Variants in HOMER1 observed in about 807,000 individuals in gnomAD.
HOMER1 encodes the protein homer protein homolog 1.
HOMER1 carries 3 observed loss-of-function variants against 48.9 expected under a neutral mutation model. That is an observed-to-expected ratio of 0.06 (90% CI 0.03 to 0.16). The LOEUF (loss-of-function observed/expected upper bound fraction) is 0.16. HOMER1 is among the 10% of genes least tolerant of loss of function. The probability of loss-of-function intolerance (pLI) is 1.00; values close to 1 mark genes in which losing one functional copy is unlikely to be tolerated. For synonymous variants in HOMER1, 134 were observed against 146.4 expected, an observed-to-expected ratio of 0.92 and a Z score of 0.61; for missense variants, 247 against 411.4, an observed-to-expected ratio of 0.60 and a Z score of 3.46.
chr5:79,455,267 G>C (rs1057326432), intron 2 of HOMER1, among the ~76,000 whole-genome samples: 2 of 152,152 alleles, frequency 1.3e-5, no homozygotes, highest in Non-Finnish European at 2.9e-5. Flanking sequence ...CTTTGCTCAA[G>C]ATCAGATGGT....
At chr5:79,426,193 C>A (rs1028393488) in intron 5 of HOMER1, among the ~76,000 whole-genome samples, 24 of 151,982 alleles carry the variant, frequency 1.6e-4, no homozygotes, top group African/African-American at 4.8e-4. Flanking sequence ...ATTAGTACAG[C>A]CACTATGAAG....
intron 1 of HOMER1, among the ~76,000 whole-genome samples, chr5:79,463,944 C>G (rs866507375): frequency 5.9e-5 from 9 of 152,112 alleles, no homozygotes; most frequent in African/African-American, 1.9e-4. Context: ...CTTATTAGAG[C>G]TATGGAGGCA....
At chr5:79,500,362 A>G (rs1038079057) in intron 1 of HOMER1, among the ~76,000 whole-genome samples, 2 of 152,214 alleles carry the variant, frequency 1.3e-5, no homozygotes, top group Non-Finnish European at 2.9e-5. Flanking sequence ...GTTTGATAAT[A>G]TTAGAAGAGC....
intron 3 of HOMER1, among the ~76,000 whole-genome samples, chr5:79,450,399 T>C (rs1260887765): frequency 6.6e-6 from 1 of 152,244 alleles, no homozygotes; most frequent in Non-Finnish European, 1.5e-5. Context: ...AGGAGAACTG[T>C]CTTATTTCCA....
At chr5:79,433,651 T>A (rs1750485726) in intron 5 of HOMER1, among the ~76,000 whole-genome samples, 1 of 152,244 alleles carries the variant, frequency 6.6e-6, no homozygotes, top group Non-Finnish European at 1.5e-5. Context: ...AAAAATTTTG[T>A]ATTTATTTTG....
chr5:79,428,634 T>C lies in HOMER1; in HGVS notation c.527+10376A>G, dbSNP rs1313251048. 2.6e-5 allele frequency among the ~76,000 whole-genome samples: 4 copies of C among 152,150 alleles called. 1 individual carries two copies. Among genetic ancestry groups the C allele is most frequent in the Non-Finnish European group, 5.9e-5 (4 of 68,024 alleles). On this transcript the variant is annotated intron_variant, in intron 5 of 8. Coordinates refer to ENST00000334082, the MANE Select transcript of HOMER1 (RefSeq NM_004272.5). Reference sequence around the variant, plus strand: ...ACTACACAACAATCATCCTTCCATATACTAACAATGAACAATTCAAAAGTG... The same window carrying C: ...ACTACACAACAATCATCCTTCCATACACTAACAATGAACAATTCAAAAGTG...
intron 8 of HOMER1, among the ~76,000 whole-genome samples, chr5:79,385,897 A>G (rs1156842779): frequency 6.8e-6 from 1 of 147,802 alleles, no homozygotes; most frequent in Non-Finnish European, 1.5e-5. Context: ...TACAATGGCT[A>G]TTATCATTAC....
At chr5:79,403,075 A>G (rs1749574075) in intron 5 of HOMER1, among the ~76,000 whole-genome samples, 4 of 152,316 alleles carry the variant, frequency 2.6e-5, no homozygotes, top group Admixed American at 2.0e-4. Flanking sequence ...ATTTTCTACT[A>G]CAAGACAATT....
intron 1 of HOMER1, among the ~76,000 whole-genome samples, chr5:79,502,942 C>A (rs984191328): frequency 6.6e-6 from 1 of 151,920 alleles, no homozygotes; most frequent in African/African-American, 2.4e-5. Flanking sequence ...AGGCGCCCGC[C>A]ACCACGCCCG....
chr5:79,452,194 T>C (rs906660431), intron 2 of HOMER1, among the ~76,000 whole-genome samples: 3 of 152,206 alleles, frequency 2.0e-5, no homozygotes, highest in African/African-American at 7.2e-5. Context: ...TTCAAACCAG[T>C]GTCATGAGTC....
intron 1 of HOMER1, among the ~76,000 whole-genome samples, chr5:79,489,431 C>G (rs1444368428): frequency 6.6e-6 from 1 of 152,132 alleles, no homozygotes; most frequent in Non-Finnish European, 1.5e-5. Context: ...AGGCATCACA[C>G]CTGTAATCTC....
intron 5 of HOMER1, among the ~76,000 whole-genome samples, chr5:79,407,547 G>A (rs907969815): frequency 6.6e-6 from 1 of 152,234 alleles, no homozygotes; most frequent in Non-Finnish European, 1.5e-5. Context: ...CATAACAACA[G>A]AGGTGAAGAA....
chr5:79,390,229 G>C (rs1412672795), intron 8 of HOMER1, among the ~76,000 whole-genome samples: 5 of 152,080 alleles, frequency 3.3e-5, no homozygotes, highest in African/African-American at 4.8e-5. Context: ...GAGACTGTAG[G>C]AATCTGTGAT....
At chr5:79,449,512 A>G (rs563376553) in intron 3 of HOMER1, among the ~76,000 whole-genome samples, 7 of 152,280 alleles carry the variant, frequency 4.6e-5, no homozygotes, top group Non-Finnish European at 8.8e-5. Flanking sequence ...TTGCTCTGTC[A>G]CCCAGGCTAG....
chr5:79,467,398 A>AAC (rs1278925105), intron 1 of HOMER1, among the ~76,000 whole-genome samples: 3 of 151,052 alleles, frequency 2.0e-5, no homozygotes, highest in African/African-American at 7.3e-5. Flanking sequence ...TCTCAAAAAA[A>AAC]AAAAAAAAAA....
chr5:79,381,578 G>A (rs1465338384), intron 8 of HOMER1, among the ~76,000 whole-genome samples: 2 of 152,124 alleles, frequency 1.3e-5, no homozygotes, highest in Non-Finnish European at 2.9e-5. Flanking sequence ...TGAGATACAA[G>A]AGAATTGTAA....
At chr5:79,511,427 A>G (rs1050771923) in intron 1 of HOMER1, among the ~76,000 whole-genome samples, 2 of 152,208 alleles carry the variant, frequency 1.3e-5, no homozygotes, top group African/African-American at 2.4e-5. Flanking sequence ...AAAGAAAGCA[A>G]TTCGTTTTTT....
chr5:79,433,412 A>G (rs1750477122), intron 5 of HOMER1, among the ~76,000 whole-genome samples: 1 of 152,072 alleles, frequency 6.6e-6, no homozygotes, highest in South Asian at 2.1e-4. Context: ...TACTAAAAAT[A>G]CAAAAATTAG....
At chr5:79,503,805 A>G (rs2112378546) in intron 1 of HOMER1, among the ~76,000 whole-genome samples, 1 of 152,236 alleles carries the variant, frequency 6.6e-6, no homozygotes, top group South Asian at 2.1e-4. Flanking sequence ...GTCGATCATC[A>G]TAAATATTCT....
Sources: allele counts gnomAD v4.1 joint callset (sites outside exome capture counted in the v4.1 genomes callset), GRCh38; gene constraint gnomAD v4.1.1; transcripts MANE v1.5; gene names NCBI Gene and HGNC (gene_info 2026-07-23, HGNC 2026-07-21).